Variants in NID2 observed in about 807,000 individuals in gnomAD.
The protein encoded by NID2 is nidogen 2, also known as nidogen-2.
In NID2, 83 loss-of-function variants were observed where a neutral mutation model predicts 145.4. The ratio of observed to expected loss-of-function variants is 0.57; its 90% CI spans 0.48 to 0.69. The LOEUF (loss-of-function observed/expected upper bound fraction) is 0.69. NID2 is among the 30% of genes least tolerant of loss of function. The probability of loss-of-function intolerance (pLI) is 0.00; values close to 1 mark genes in which losing one functional copy is unlikely to be tolerated. For synonymous variants in NID2, 739 were observed against 701.3 expected, an observed-to-expected ratio of 1.05 and a Z score of -0.85; for missense variants, 1,807 against 1,765.7, an observed-to-expected ratio of 1.02 and a Z score of -0.42.
Position 52,005,067 on chromosome 14 carries a change from A to C in NID2, c.*419T>G, listed in dbSNP as rs917182584. 1 of 161,300 alleles carries C rather than the reference A, an allele frequency of 6.2e-6. No individual in the cohort carries two copies. Among genetic ancestry groups the C allele is most frequent in the Non-Finnish European group, 1.3e-5 (1 of 74,268 alleles). The allele number at this position is 161,300 out of a possible 1,614,324, so 10.0% of individuals were successfully genotyped here. ...CATCAGTTCTGCATTGGCTTCTCCA[A>C]CTGTCAAGGTTTAGGATTATATTGT... On this transcript the variant is annotated 3_prime_UTR_variant, in exon 22 of 22. Transcript: ENST00000216286.
chr14:52,005,526 G>A (rs755601652), intron 21 of NID2, 30 bp from the exon 22 acceptor site: 2 of 1,592,890 alleles, frequency 1.3e-6, no homozygotes, highest in Non-Finnish European at 1.7e-6. Flanking sequence ...GTGGGACAGG[G>A]TGGTGGGTGA....
At chr14:52,010,844 G>A in intron 18 of NID2, 32 bp downstream of exon 18, 2 of 1,603,972 alleles carry the variant, frequency 1.2e-6, no homozygotes, top group Non-Finnish European at 1.7e-6. Context: ...AGGATCTACA[G>A]GTAAGAGAAG....
chr14:52,026,710 C>G (rs917480338), intron 12 of NID2, among the ~76,000 whole-genome samples: 3 of 152,140 alleles, frequency 2.0e-5, no homozygotes, highest in African/African-American at 7.2e-5. Flanking sequence ...TGCATTAAGT[C>G]TTAAAGATAG....
At chr14:52,053,549 C>T (rs770528942) in intron 5 of NID2, 30 bp downstream of exon 5, 1 of 1,590,022 alleles carries the variant, frequency 6.3e-7, no homozygotes, top group Non-Finnish European at 8.6e-7. Flanking sequence ...TAAGATGAAA[C>T]CTTAGCACCC....
chr14:52,056,086 T>G (rs1420644843), intron 3 of NID2, among the ~76,000 whole-genome samples: 1 of 152,170 alleles, frequency 6.6e-6, no homozygotes, highest in Non-Finnish European at 1.5e-5. Flanking sequence ...AGAATTAATG[T>G]TGGTGTTTAT....
chr14:52,057,165 C>T (rs1479852986), intron 3 of NID2, among the ~76,000 whole-genome samples: 2 of 152,194 alleles, frequency 1.3e-5, no homozygotes, highest in Middle Eastern at 6.8e-3. Flanking sequence ...CTTCAGCCTC[C>T]CAAATAGCTG....
At chr14:52,055,782 A>G (rs775731400) in intron 3 of NID2, among the ~76,000 whole-genome samples, 6 of 152,256 alleles carry the variant, frequency 3.9e-5, no homozygotes, top group Non-Finnish European at 8.8e-5. Flanking sequence ...TCAATGAGGA[A>G]TAACAGTCCA....
At position 52,005,763 on chromosome 14, in the gene NID2, G is replaced by C; in HGVS notation, c.4091C>G (p.Thr1364Ser). The change falls in exon 21 of 22, where the codon ACT becomes AGT. Residue 1364 changes from threonine to serine, a missense_variant. Thr to Ser is a moderately conservative substitution (Grantham distance 58). Transcript: ENST00000216286. ...TGTTGGGCAGTAGGGGTAGACTGCAGTTATCCCGTAGAGGTGAGATCGTTG... is the reference window on the plus strand; with the variant it reads ...TGTTGGGCAGTAGGGGTAGACTGCACTTATCCCGTAGAGGTGAGATCGTTG... The part of the protein sequence containing the change: ...PEQRSHLYGI[T>S]AVYPYCPTGR... 6.2e-7 allele frequency: 1 copy of C among 1,613,756 alleles called. No individual in the cohort carries two copies. Among genetic ancestry groups the C allele is most frequent in the Non-Finnish European group, 8.5e-7 (1 of 1,179,682 alleles).
chr14:52,053,898 A>C lies in NID2; in HGVS notation c.1110T>G (p.Ser370=). 6.2e-7 allele frequency: 1 copy of C among 1,613,958 alleles called. No individual in the cohort carries two copies. The highest frequency in any genetic ancestry group is 8.5e-7 in the Non-Finnish European group (1 of 1,179,930). The change falls in exon 5 of 22, where the codon TCT becomes TCG. Residue 370 remains serine, a synonymous_variant. Transcript: ENST00000216286. ...AATCTGGGCCCCCTACCTCTCCCAG[A>C]GATGTTCCTTCTTTGGTGTGAGGAT... The part of the protein sequence containing the change: ...TLDPHTKEGT[S]LGEVGGPDLK...
intron 5 of NID2, among the ~76,000 whole-genome samples, chr14:52,051,629 TGAAA>T (rs1892683042): frequency 6.6e-6 from 1 of 152,214 alleles, no homozygotes; most frequent in Non-Finnish European, 1.5e-5. Flanking sequence ...ATGTTTTATG[TGAAA>T]GAAACAGTCA....
chr14:52,060,480 T>C (rs771572349), intron 2 of NID2, 124 bp from the exon 3 acceptor site: 53 of 483,654 alleles, frequency 1.1e-4, no homozygotes, highest in Non-Finnish European at 1.7e-4. Context: ...TTCCCCTTTT[T>C]CAGGATTCCT....
intron 7 of NID2, 90 bp downstream of exon 7, chr14:52,042,015 G>A: frequency 6.9e-7 from 1 of 1,448,690 alleles, no homozygotes; most frequent in East Asian, 2.3e-5. Flanking sequence ...TGATTCCTCT[G>A]TCACTGCGTA....
At chr14:52,053,327 A>T (rs534413369) in intron 5 of NID2, among the ~76,000 whole-genome samples, 37 of 152,196 alleles carry the variant, frequency 2.4e-4, no homozygotes, top group Non-Finnish European at 2.9e-4. Flanking sequence ...GTTTTCCCCC[A>T]CTCACTTCAT....
intron 9 of NID2, among the ~76,000 whole-genome samples, chr14:52,034,179 G>A (rs1031001850): frequency 1.3e-5 from 2 of 152,074 alleles, no homozygotes; most frequent in Non-Finnish European, 2.9e-5. Flanking sequence ...CAAGCAACTT[G>A]GTACCTGCCA....
chr14:52,030,379 T>C (rs1891757226), intron 9 of NID2, among the ~76,000 whole-genome samples: 1 of 151,784 alleles, frequency 6.6e-6, no homozygotes, highest in Non-Finnish European at 1.5e-5. Flanking sequence ...GGCTCATGCC[T>C]GTAATCCCAG....
chr14:52,011,204 C>T (rs1430291391), intron 17 of NID2, among the ~76,000 whole-genome samples, 157 bp from the exon 18 acceptor site: 5 of 152,138 alleles, frequency 3.3e-5, no homozygotes. Context: ...GAAACAAGTA[C>T]TTTTGTTACA....
chr14:52,017,057 C>G (rs541865547), intron 14 of NID2, among the ~76,000 whole-genome samples: 1 of 152,186 alleles, frequency 6.6e-6, no homozygotes, highest in Non-Finnish European at 1.5e-5. Flanking sequence ...TCAAGGAACA[C>G]AGAGAGGGAA....
At chr14:52,008,321 G>A (rs1012427195) in intron 18 of NID2, 3 of 180,816 alleles carry the variant, frequency 1.7e-5, no homozygotes, top group African/African-American at 7.1e-5. Context: ...AGTCTTGCCT[G>A]TAGCCCATGT....
chr14:52,060,620 G>A (rs1288265229), intron 2 of NID2, among the ~76,000 whole-genome samples: 1 of 152,108 alleles, frequency 6.6e-6, no homozygotes, highest in African/African-American at 2.4e-5. Flanking sequence ...AATACGCATT[G>A]GTAAAACATA....
Sources: allele counts gnomAD v4.1 joint callset (sites outside exome capture counted in the v4.1 genomes callset), GRCh38; gene constraint gnomAD v4.1.1; transcripts MANE v1.5; gene names NCBI Gene and HGNC (gene_info 2026-07-23, HGNC 2026-07-21).